The following PPP1R9A variants were observed in gnomAD, a reference collection of about 807,000 sequenced individuals.
PPP1R9A encodes the protein neurabin-1.
PPP1R9A carries 59 observed loss-of-function variants against 141.9 expected under a neutral mutation model. The observed-to-expected ratio is 0.42, with a 90% CI of 0.34 to 0.52. The LOEUF (loss-of-function observed/expected upper bound fraction) is 0.52, where lower values mean the gene tolerates loss of function less well. PPP1R9A is among the 20% of genes least tolerant of loss of function. PPP1R9A has a pLI of 0.10. For synonymous variants in PPP1R9A, 500 were observed against 569.7 expected (o/e 0.88, Z 1.74); for missense variants, 1,444 against 1,611.9 (o/e 0.90, Z 1.78).
rs1798902648 is a variant in PPP1R9A, at chr7:95,251,768, T to G, written c.2403T>G (p.Leu801=). 1 of 1,612,720 alleles carries G rather than the reference T, an allele frequency of 6.2e-7. No individual in the cohort carries two copies. The highest frequency in any genetic ancestry group is 1.7e-5 in the Admixed American group (1 of 59,902). The change falls in exon 11 of 20, where the codon CTT becomes CTG. Residue 801 remains leucine (L), a synonymous_variant. Coordinates refer to ENST00000433360, the MANE Select transcript of PPP1R9A (RefSeq NM_001166160.2). ...KLIKDFQQKE[L]DFIKRQEAER... ...CTATTATTTTCTTCTTAAGAGAGCT[T>G]GATTTCATCAAAAGACAGGAAGCAG...
intron 2 of PPP1R9A, among the ~76,000 whole-genome samples, chr7:95,076,348 A>T (rs568901502): frequency 6.6e-6 from 1 of 152,318 alleles, no homozygotes; most frequent in East Asian, 1.9e-4. Context: ...TTATGTGAGG[A>T]TCTAGCTTTA....
chr7:95,286,363 A>G lies in PPP1R9A; in HGVS notation c.3729+38A>G, dbSNP rs765468502. On this transcript the variant is annotated intron_variant, in intron 18 of 19. Coordinates refer to ENST00000433360, the MANE Select transcript of PPP1R9A (RefSeq NM_001166160.2). Reference sequence around the variant, plus strand: ...CACTATGACAGAGCTGCTTTGTCAAATCTGACGTTTTACCCATGAACCATC... The same window carrying G: ...CACTATGACAGAGCTGCTTTGTCAAGTCTGACGTTTTACCCATGAACCATC... The G allele has an allele frequency of 2.5e-6, 4 of 1,606,880 alleles. No individual in the cohort carries two copies. The Admixed American group carries it at 5.0e-5, about 20-fold the overall frequency.
chr7:95,068,068 C>A (rs1813208360), intron 2 of PPP1R9A, among the ~76,000 whole-genome samples: 1 of 151,934 alleles, frequency 6.6e-6, no homozygotes, highest in Admixed American at 6.6e-5. Flanking sequence ...AAACAAACAA[C>A]CAAAAAAAAA....
intron 5 of PPP1R9A, among the ~76,000 whole-genome samples, chr7:95,182,479 T>C (rs1483304954): frequency 6.6e-6 from 1 of 152,244 alleles, no homozygotes; most frequent in Admixed American, 6.5e-5. Context: ...TCATTTCCAT[T>C]TGAAATGCAA....
intron 4 of PPP1R9A, among the ~76,000 whole-genome samples, chr7:95,132,499 G>A (rs913486648): frequency 3.3e-5 from 5 of 152,234 alleles, no homozygotes; most frequent in Admixed American, 1.3e-4. Context: ...ATTTGTATAT[G>A]TTGAACCAAC....
intron 2 of PPP1R9A, among the ~76,000 whole-genome samples, chr7:94,948,214 G>T (rs1481993086): frequency 2.0e-5 from 3 of 152,048 alleles, no homozygotes; most frequent in Non-Finnish European, 4.4e-5. Context: ...GAACATGATG[G>T]TCATGATGAA....
chr7:95,178,505 C>T (rs1490630705), intron 5 of PPP1R9A, among the ~76,000 whole-genome samples: 2 of 151,418 alleles, frequency 1.3e-5, no homozygotes, highest in African/African-American at 4.9e-5. Context: ...CAAACCCAAA[C>T]CCAGAAAAAG....
At chr7:94,956,966 G>A (rs561198275) in intron 2 of PPP1R9A, among the ~76,000 whole-genome samples, 6 of 152,074 alleles carry the variant, frequency 3.9e-5, no homozygotes, top group Non-Finnish European at 5.9e-5. Flanking sequence ...ATAAATGTAC[G>A]TGATCAGTTT....
chr7:95,135,550 T>G (rs1201204480), intron 4 of PPP1R9A, among the ~76,000 whole-genome samples: 1 of 152,200 alleles, frequency 6.6e-6, no homozygotes, highest in Non-Finnish European at 1.5e-5. Flanking sequence ...TCACCTTAGT[T>G]TTCGTTCACT....
rs1349944922 is a variant in PPP1R9A, at chr7:95,251,812, A to T, written c.2447A>T (p.Asp816Val). 6.2e-7 allele frequency: 1 copy of T among 1,613,868 alleles called. No homozygotes were observed. The highest frequency in any genetic ancestry group is 8.5e-7 in the Non-Finnish European group (1 of 1,179,928). ...RQEAERKKIEDLEKAHLVEVQ... is the reference protein window; with the variant it reads ...RQEAERKKIEVLEKAHLVEVQ... ...GAAGCAGAAAGAAAGAAAATAGAAG[A>T]TTTGGAAAAAGCTCATCTTGTGGAA... The change falls in exon 11 of 20, where the codon GAT becomes GTT. Residue 816 changes from aspartate to valine, a missense_variant. This residue lies in a region of PPP1R9A where 488 missense variants were observed against 542.0 expected (regional missense o/e 0.90). Transcript: ENST00000433360.
At chr7:94,920,366 A>ATT (rs66814698) in intron 2 of PPP1R9A, among the ~76,000 whole-genome samples, 2 of 149,102 alleles carry the variant, frequency 1.3e-5, no homozygotes, top group East Asian at 2.0e-4. Context: ...AATATTGATA[A>ATT]TTTTTTTTTT....
intron 18 of PPP1R9A, among the ~76,000 whole-genome samples, chr7:95,287,333 C>T (rs1016317039): frequency 2.6e-5 from 4 of 152,190 alleles, no homozygotes; most frequent in Admixed American, 6.5e-5. Context: ...AAGAGGATCT[C>T]CGCATTGCAC....
chr7:95,260,870 T>C (rs1021223415), intron 12 of PPP1R9A, among the ~76,000 whole-genome samples: 49 of 152,236 alleles, frequency 3.2e-4, no homozygotes, highest in African/African-American at 1.2e-3. Flanking sequence ...AACCCAAATG[T>C]GAGTAATTTC....
intron 2 of PPP1R9A, among the ~76,000 whole-genome samples, chr7:94,915,690 G>A (rs1372693789): frequency 6.6e-6 from 1 of 152,192 alleles, no homozygotes; most frequent in Non-Finnish European, 1.5e-5. Context: ...CACGCTACCT[G>A]TCCTGGATAA....
At chr7:94,929,577 T>C (rs2150813829) in intron 2 of PPP1R9A, among the ~76,000 whole-genome samples, 1 of 152,300 alleles carries the variant, frequency 6.6e-6, no homozygotes. Context: ...CAAAGTTTAA[T>C]ATTGTTGGTA....
intron 3 of PPP1R9A, among the ~76,000 whole-genome samples, chr7:95,114,094 A>C (rs1490485964): frequency 6.6e-6 from 1 of 152,148 alleles, no homozygotes; most frequent in Admixed American, 6.5e-5. Flanking sequence ...TGGTAGTAGC[A>C]AAAAAACAAG....
chr7:95,072,767 TATA>T (rs1476432700), intron 2 of PPP1R9A, among the ~76,000 whole-genome samples: 1 of 104,864 alleles, frequency 9.5e-6, no homozygotes, highest in Non-Finnish European at 1.8e-5. Flanking sequence ...ATTAAATATA[TATA>T]TTAAATATAT....
chr7:94,967,759 A>C (rs150579089), intron 2 of PPP1R9A, among the ~76,000 whole-genome samples: 5 of 151,970 alleles, frequency 3.3e-5, no homozygotes, highest in East Asian at 1.9e-4. Context: ...ATTTGATTGC[A>C]CTGTGGTCTG....
chr7:95,261,396 T>C (rs1800404711), intron 12 of PPP1R9A, among the ~76,000 whole-genome samples: 1 of 152,210 alleles, frequency 6.6e-6, no homozygotes, highest in Non-Finnish European at 1.5e-5. Flanking sequence ...AATTCTGTTT[T>C]AATACTATAC....
Sources: allele counts gnomAD v4.1 joint callset (sites outside exome capture counted in the v4.1 genomes callset), GRCh38; gene constraint gnomAD v4.1.1; regional missense constraint gnomAD v4.1.1; transcripts MANE v1.5; gene names NCBI Gene and HGNC (gene_info 2026-07-23, HGNC 2026-07-21).